The following MRE11 variants were observed in gnomAD, a reference collection of about 807,000 sequenced individuals.
MRE11 encodes MRE11 double strand break repair nuclease, also known as double-strand break repair protein MRE11.
A neutral mutation model predicts 91.7 loss-of-function variants in MRE11; 62 were observed. The observed-to-expected ratio is 0.68, with a 90% CI of 0.55 to 0.84. MRE11 has a LOEUF of 0.84. MRE11 is among the 40% of genes least tolerant of loss of function. The pLI is 0.00. For missense variants in MRE11, 796 were observed against 852.9 expected, an observed-to-expected ratio of 0.93 and a Z score of 0.83; for synonymous variants, 273 against 271.4, an observed-to-expected ratio of 1.01 and a Z score of -0.06.
Position 94,447,267 on chromosome 11 carries a change from C to G in MRE11, c.1735G>C (p.Gly579Arg). The G allele has an allele frequency of 3.1e-6, 5 of 1,614,034 alleles. No individual in the cohort carries two copies. The highest frequency in any genetic ancestry group is 3.4e-6 in the Non-Finnish European group (4 of 1,180,020). ...GRGRGRGRRG[G>R]RGQNSASRGG... is the part of the protein sequence containing the mutation. ...CTCGATGCTGAATTCTGCCCTCTTC[C>G]ACCTCTTCGACCTCTTCCTCGGCCT... Residue 579 changes from glycine to arginine, a missense_variant, in exon 15 of 20, where the codon GGA becomes CGA. By Grantham distance (125) the Gly-to-Arg change is moderately radical. Transcript: ENST00000323929.
the MRE11 span, among the ~76,000 whole-genome samples, chr11:94,506,314 A>T: frequency 6.6e-6 from 1 of 151,808 alleles, no homozygotes; most frequent in South Asian, 2.1e-4. Context: ...CCCTGAACCT[A>T]AAAAAAAGTT....
At chr11:94,498,189 A>T (rs1209080717), upstream of MRE11, 2 of 1,614,042 alleles carry the variant, frequency 1.2e-6, no homozygotes, top group Non-Finnish European at 1.7e-6. Context: ...ATTGTTCAGG[A>T]GCTCATTGCA....
At chr11:94,476,773 T>G (rs564521046) in intron 6 of MRE11, among the ~76,000 whole-genome samples, 13 of 152,010 alleles carry the variant, frequency 8.6e-5, no homozygotes, top group Non-Finnish European at 1.6e-4. Flanking sequence ...CAGGCTGGAG[T>G]GCAGTGGTGT....
chr11:94,471,848 C>G, intron 7 of MRE11, 89 bp from the exon 8 acceptor site: 1 of 1,082,270 alleles, frequency 9.2e-7, no homozygotes. Flanking sequence ...TCTCCATTCA[C>G]TAAAGATTTT....
At chr11:94,421,697 A>T (rs759067071) in intron 19 of MRE11, among the ~76,000 whole-genome samples, 1 of 152,236 alleles carries the variant, frequency 6.6e-6, no homozygotes, top group Non-Finnish European at 1.5e-5. Context: ...GCTTAAATAC[A>T]GGGAACATGG....
intron 4 of MRE11, among the ~76,000 whole-genome samples, chr11:94,483,230 T>C (rs2135110020): frequency 6.6e-6 from 1 of 152,284 alleles, no homozygotes; most frequent in South Asian, 2.1e-4. Context: ...CACAGCACTT[T>C]GAGAAGCTAA....
rs183645573 is a variant in MRE11, at chr11:94,482,340, A to G, written c.315-2579T>C. 7.5e-3 allele frequency among the ~76,000 whole-genome samples: 1,150 copies of G among 152,352 alleles called. 12 individuals are homozygous for G. The highest frequency in any genetic ancestry group is 0.025 in the African/African-American group (1,052 of 41,578). The stretch of plus-strand genomic sequence containing the variant: ...ATGACAGAACCAGGATTTGAACTCC[A>G]GCTGTTTTATACCGGAACCCATGCT... On this transcript the variant is annotated intron_variant, in intron 4 of 19. Transcript: ENST00000323929.
At chr11:94,510,952 A>G in the MRE11 span, among the ~76,000 whole-genome samples, 1 of 152,184 alleles carries the variant, frequency 6.6e-6, no homozygotes. Context: ...TCATGGCTGC[A>G]TCCTTAGCAC....
chr11:94,450,465 C>G (rs1012018206), intron 14 of MRE11, among the ~76,000 whole-genome samples: 2 of 152,000 alleles, frequency 1.3e-5, no homozygotes, highest in African/African-American at 4.8e-5. Flanking sequence ...CTTCAAGACC[C>G]CATGAAACTT....
intron 14 of MRE11, among the ~76,000 whole-genome samples, chr11:94,453,659 G>T (rs1158353880): frequency 2.0e-5 from 3 of 152,004 alleles, no homozygotes; most frequent in African/African-American, 7.3e-5. Context: ...TAAAAATTGG[G>T]TTTTTTTGTT....
intron 7 of MRE11, chr11:94,473,331 G>C (rs1946766119): frequency 6.6e-6 from 1 of 152,150 alleles, no homozygotes; most frequent in Non-Finnish European, 1.5e-5. Context: ...TTGAGTGCTG[G>C]TTCTTTCCCG....
chr11:94,459,183 A>G (rs1473224864), intron 13 of MRE11, among the ~76,000 whole-genome samples: 1 of 152,222 alleles, frequency 6.6e-6, no homozygotes, highest in African/African-American at 2.4e-5. Flanking sequence ...AGAAGATACT[A>G]TCCATGGGGA....
chr11:94,481,876 T>C (rs904253597), intron 4 of MRE11, among the ~76,000 whole-genome samples: 31 of 152,306 alleles, frequency 2.0e-4, no homozygotes, highest in African/African-American at 6.0e-4. Context: ...GCCTATTTTC[T>C]ACATGAACTG....
intron 11 of MRE11, among the ~76,000 whole-genome samples, chr11:94,462,157 C>T (rs543266107): frequency 6.6e-4 from 101 of 152,264 alleles, no homozygotes; most frequent in African/African-American, 2.3e-3. Context: ...AGAGCCAAAT[C>T]ATGAGTGAAC....
intron 13 of MRE11, among the ~76,000 whole-genome samples, chr11:94,457,887 T>TCTCACACACACACACACA (rs372404360): frequency 6.9e-6 from 1 of 144,220 alleles, no homozygotes; most frequent in African/African-American, 2.6e-5. Context: ...TCTCTCTCTC[T>TCTCACACACACACACACA]CACACACACA....
At chr11:94,496,824 T>G (rs1159648677), upstream of MRE11, 12 of 1,613,896 alleles carry the variant, frequency 7.4e-6, no homozygotes, top group African/African-American at 1.3e-5. Flanking sequence ...ACTCAAAGTC[T>G]TTGGGTAGGC....
chr11:94,506,593 G>GT, the MRE11 span, among the ~76,000 whole-genome samples: 10,411 of 140,770 alleles, frequency 0.074, 431 homozygotes, highest in Admixed American at 0.13. Context: ...TGCTTTTTTT[G>GT]TTTTTTTTTT....
intron 14 of MRE11, 85 bp downstream of exon 14, chr11:94,456,191 G>T: frequency 7.7e-7 from 1 of 1,294,768 alleles, no homozygotes; most frequent in South Asian, 1.2e-5. Context: ...TAGACCTATG[G>T]ACTGACTATT....
chr11:94,498,530 T>C (rs111926028), upstream of MRE11: 1 of 1,603,348 alleles, frequency 6.2e-7, no homozygotes, highest in Non-Finnish European at 8.5e-7. Context: ...ACCTCAGTCT[T>C]AACAATTCTA....
Sources: gnomAD v4.1 joint callset for allele counts (sites outside exome capture counted in the v4.1 genomes callset) on GRCh38, gnomAD v4.1.1 for gene constraint, MANE v1.5 for transcripts, NCBI Gene and HGNC (gene_info 2026-07-23, HGNC 2026-07-21) for gene names.